The following NUCB2 variants were observed in gnomAD, a reference collection of about 807,000 sequenced individuals.
The protein encoded by NUCB2 is nucleobindin 2.
A neutral mutation model predicts 57.9 loss-of-function variants in NUCB2; 48 were observed. That is an observed-to-expected ratio of 0.83 (90% CI 0.66 to 1.05). The LOEUF (loss-of-function observed/expected upper bound fraction) is 1.05. Ranked by LOEUF, NUCB2 falls within the 50% of genes least tolerant of loss-of-function variation. The pLI is 0.00. For missense variants in NUCB2, 442 were observed against 476.2 expected (o/e 0.93, Z 0.67); for synonymous variants, 139 against 152.1 (o/e 0.91, Z 0.64).
chr11:17,331,118 C>CA (rs1167885227), intron 13 of NUCB2, 135 bp downstream of exon 13: 10 of 709,516 alleles, frequency 1.4e-5, no homozygotes, highest in South Asian at 1.4e-4. Flanking sequence ...GGTATTAGAG[C>CA]AATTTAGATT....
At chr11:17,312,144 A>C in intron 10 of NUCB2, 24 bp downstream of exon 10, 1 of 1,090,278 alleles carries the variant, frequency 9.2e-7, no homozygotes, top group Non-Finnish European at 1.4e-6. Flanking sequence ...GTTTAAGATA[A>C]TATGTTATTT....
chr11:17,305,428 A>C (rs1947468326), intron 5 of NUCB2, among the ~76,000 whole-genome samples: 1 of 152,216 alleles, frequency 6.6e-6, no homozygotes, highest in African/African-American at 2.4e-5. Context: ...ATATCTATTA[A>C]ATCTTTAATA....
intron 5 of NUCB2, among the ~76,000 whole-genome samples, chr11:17,305,265 A>G (rs1420048431): frequency 6.6e-6 from 1 of 152,226 alleles, no homozygotes; most frequent in Admixed American, 6.5e-5. Context: ...CAGAGGTTGC[A>G]GTGAGCTGAG....
At chr11:17,281,581 G>A (rs959184921) in intron 1 of NUCB2, among the ~76,000 whole-genome samples, 4 of 151,964 alleles carry the variant, frequency 2.6e-5, no homozygotes, top group African/African-American at 9.7e-5. Context: ...TATTTTCCTC[G>A]CATCAACAAA....
chr11:17,324,247 AT>A (rs973536200), intron 11 of NUCB2, among the ~76,000 whole-genome samples: 87 of 152,156 alleles, frequency 5.7e-4, no homozygotes, highest in African/African-American at 2.0e-3. Context: ...GGTATGTTGT[AT>A]TTCCATTATC....
Position 17,330,320 on chromosome 11 carries a change from T to A in NUCB2, c.1173+23T>A, listed in dbSNP as rs1367864909. The A allele has an allele frequency of 6.4e-7, 1 of 1,568,546 alleles. No individual in the cohort carries two copies. The stretch of plus-strand genomic sequence containing the variant: ...CAGGTGGCATTTTGTCAAAAGATTA[T>A]GGCATTAAAAAGATTTTAGGTGCTT... On this transcript the variant is annotated intron_variant, in intron 12 of 13. Transcript: ENST00000529010. The surrounding 1 kb of genome is among the most constrained non-coding windows in gnomAD (Gnocchi z 4.3).
chr11:17,292,039 T>G (rs1035304283), intron 2 of NUCB2, among the ~76,000 whole-genome samples: 21 of 152,144 alleles, frequency 1.4e-4, no homozygotes, highest in African/African-American at 4.8e-4. Flanking sequence ...TAATTTTATT[T>G]CTGTTTAGTA....
At chr11:17,302,185 G>A (rs1206025688) in intron 5 of NUCB2, among the ~76,000 whole-genome samples, 2 of 152,132 alleles carry the variant, frequency 1.3e-5, no homozygotes, top group Non-Finnish European at 2.9e-5. Context: ...GAGCTGGCGG[G>A]CCTGGCTAGA....
chr11:17,322,885 T>C (rs757826507), intron 11 of NUCB2, among the ~76,000 whole-genome samples: 5 of 152,138 alleles, frequency 3.3e-5, no homozygotes, highest in African/African-American at 4.8e-5. Flanking sequence ...AGATTGCTTA[T>C]TGTTGGCATA....
intron 8 of NUCB2, 78 bp from the exon 9 acceptor site, chr11:17,311,794 C>A: frequency 1.0e-6 from 1 of 978,666 alleles, no homozygotes; most frequent in Non-Finnish European, 1.5e-6. Context: ...TTTTGTAAAC[C>A]CTTTATAAAT....
At chr11:17,345,199 G>GA (rs913804728) in intron 2 of NUCB2, among the ~76,000 whole-genome samples, 18 of 149,212 alleles carry the variant, frequency 1.2e-4, no homozygotes, top group East Asian at 3.9e-4. Context: ...ACTAAAACAT[G>GA]AAAAAAAAAC....
chr11:17,311,065 A>G (rs1031956053), intron 7 of NUCB2, 55 bp downstream of exon 7: 57 of 1,469,950 alleles, frequency 3.9e-5, no homozygotes, highest in Non-Finnish European at 1.0e-5. Context: ...TCTTCGTATC[A>G]GCGGATTTTT....
chr11:17,277,538 A>T (rs1328444739), intron 1 of NUCB2, among the ~76,000 whole-genome samples: 1 of 152,052 alleles, frequency 6.6e-6, no homozygotes, highest in Non-Finnish European at 1.5e-5. Flanking sequence ...AGGGAATGAG[A>T]ATGAACGGGA....
intron 2 of NUCB2, among the ~76,000 whole-genome samples, chr11:17,342,869 G>C (rs1329405122): frequency 6.6e-6 from 1 of 152,140 alleles, no homozygotes; most frequent in Non-Finnish European, 1.5e-5. Flanking sequence ...GGATATCCCT[G>C]TTAACTTTCT....
chr11:17,337,973 G>T (rs1358410352), intron 2 of NUCB2, among the ~76,000 whole-genome samples: 2 of 152,108 alleles, frequency 1.3e-5, no homozygotes, highest in Admixed American at 6.5e-5. Flanking sequence ...ATCGTTAGTA[G>T]AATTCTAATC....
chr11:17,315,251 C>T (rs943295464), intron 10 of NUCB2, 135 bp from the exon 11 acceptor site: 1 of 467,756 alleles, frequency 2.1e-6, no homozygotes. Flanking sequence ...TTTTTTCCTC[C>T]AGTTTCTGTG....
At chr11:17,295,946 T>G (rs970699328) in intron 3 of NUCB2, among the ~76,000 whole-genome samples, 158 bp from the exon 4 acceptor site, 4 of 152,224 alleles carry the variant, frequency 2.6e-5, no homozygotes, top group African/African-American at 9.6e-5. Context: ...GATATAAAAC[T>G]ATTTATTTCA....
Position 17,298,898 on chromosome 11 carries a change from C to A in NUCB2, c.252+2687C>A, listed in dbSNP as rs1280393921. ...ATTTTTAGTAGAGATGGGGTTTTGC[C>A]ATGTTGTCCAGGCTGGTCTCAAACT... On this transcript the variant is annotated intron_variant, in intron 4 of 13. Transcript: ENST00000529010. Among the ~76,000 whole-genome samples the A allele has an allele frequency of 3.3e-5, 5 of 152,094 alleles. No individual in the cohort carries two copies. In the East Asian group the frequency reaches 9.6e-4, roughly 29 times the overall value.
At position 17,330,167 on chromosome 11, in the gene NUCB2, A is replaced by C. The variant is rs1951212024; in HGVS notation, c.1043A>C (p.Lys348Thr). Residue 348 changes from lysine to threonine, a missense_variant, in exon 12 of 14, where the codon AAA becomes ACA. By Grantham distance (78) the Lys-to-Thr change is moderately conservative. Coordinates refer to ENST00000529010, the MANE Select transcript of NUCB2 (RefSeq NM_005013.4). The surrounding 1 kb of genome is among the most constrained non-coding windows in gnomAD (Gnocchi z 4.3). ...QQQFFTEEEL[K>T]EYENIIALQE... ...CAGTTCTTCACAGAGGAAGAACTAA[A>C]AGAATATGAAAATATTATTGCTTTA... 8 of 1,577,926 alleles carry C rather than the reference A, an allele frequency of 5.1e-6. No homozygotes were observed. Among genetic ancestry groups the C allele is most frequent in the Non-Finnish European group, 6.9e-6 (8 of 1,152,940 alleles).
Sources: allele counts gnomAD v4.1 joint callset (sites outside exome capture counted in the v4.1 genomes callset), GRCh38; gene constraint gnomAD v4.1.1; non-coding constraint Gnocchi (gnomAD v3.1); transcripts MANE v1.5; gene names NCBI Gene and HGNC (gene_info 2026-07-23, HGNC 2026-07-21).